Variants in ABTB3 observed in about 807,000 individuals in gnomAD.
ABTB3 encodes the protein ankyrin repeat and BTB domain containing 3, also known as ankyrin repeat- and BTB/POZ domain-containing protein 3.
chr12:107,390,412 C>T, the ABTB3 span, among the ~76,000 whole-genome samples: 864 of 152,328 alleles, frequency 5.7e-3, 16 homozygotes, highest in African/African-American at 0.019. Context: ...ATTCCAAAGC[C>T]TATGCTGTTT....
At chr12:107,391,361 G>A in the ABTB3 span, among the ~76,000 whole-genome samples, 36 of 152,270 alleles carry the variant, frequency 2.4e-4, no homozygotes, top group Non-Finnish European at 3.8e-4. Flanking sequence ...CTAATCATCA[G>A]GCCGGACCAC....
the ABTB3 span, among the ~76,000 whole-genome samples, chr12:107,351,290 C>T: frequency 2.0e-5 from 3 of 152,284 alleles, no homozygotes; most frequent in South Asian, 6.2e-4. Flanking sequence ...AGGGCACTGG[C>T]TTATGAGTAG....
the ABTB3 span, among the ~76,000 whole-genome samples, chr12:107,433,467 GAGCTTGACAAGCA>G: frequency 0.13 from 19,741 of 152,126 alleles, 1,713 homozygotes; most frequent in Admixed American, 0.25. Context: ...AGAGCTTGCA[GAGCTTGACAAGCA>G]AGGTGGCCCT....
At chr12:107,588,069 C>T in the ABTB3 span, among the ~76,000 whole-genome samples, 1 of 152,184 alleles carries the variant, frequency 6.6e-6, no homozygotes, top group East Asian at 1.9e-4. Context: ...CTTGTGGCAG[C>T]ATCACTCCAA....
the ABTB3 span, among the ~76,000 whole-genome samples, chr12:107,515,207 GC>G: frequency 6.6e-6 from 1 of 151,970 alleles, no homozygotes; most frequent in Non-Finnish European, 1.5e-5. Flanking sequence ...ATTTGCTCAG[GC>G]CTCCAAGTCC....
the ABTB3 span, among the ~76,000 whole-genome samples, chr12:107,367,136 T>C: frequency 2.0e-5 from 3 of 152,186 alleles, no homozygotes; most frequent in Non-Finnish European, 2.9e-5. Flanking sequence ...TTGTCCTTTA[T>C]TGGAAGGTGC....
chr12:107,436,493 G>A, the ABTB3 span, among the ~76,000 whole-genome samples: 2 of 152,212 alleles, frequency 1.3e-5, no homozygotes, highest in African/African-American at 2.4e-5. Flanking sequence ...GTGGGAGGCA[G>A]GCAGTCAGGG....
chr12:107,319,307 G>A, the ABTB3 span: 1 of 1,544,270 alleles, frequency 6.5e-7, no homozygotes, highest in Non-Finnish European at 8.7e-7. Context: ...GGTCCCCGGC[G>A]GCCTGCCCAA....
At chr12:107,613,212 G>A in the ABTB3 span, among the ~76,000 whole-genome samples, 2 of 152,130 alleles carry the variant, frequency 1.3e-5, no homozygotes, top group African/African-American at 4.8e-5. Context: ...CTTCTAGGAT[G>A]GGGCAGAAGG....
At chr12:107,505,711 A>G in the ABTB3 span, among the ~76,000 whole-genome samples, 1 of 151,944 alleles carries the variant, frequency 6.6e-6, no homozygotes, top group Non-Finnish European at 1.5e-5. Context: ...ATAGGTCCCA[A>G]TGTGTTTTGT....
chr12:107,528,502 G>C, the ABTB3 span, among the ~76,000 whole-genome samples: 2 of 152,218 alleles, frequency 1.3e-5, no homozygotes, highest in Non-Finnish European at 2.9e-5. Context: ...ATAGTTATTA[G>C]TGGATTGATT....
the ABTB3 span, among the ~76,000 whole-genome samples, chr12:107,418,691 G>A: frequency 6.6e-6 from 1 of 152,202 alleles, no homozygotes; most frequent in African/African-American, 2.4e-5. Flanking sequence ...TAGAGAGCTG[G>A]CAGGAGTGCC....
At chr12:107,571,989 C>T in the ABTB3 span, among the ~76,000 whole-genome samples, 1 of 152,174 alleles carries the variant, frequency 6.6e-6, no homozygotes, top group Non-Finnish European at 1.5e-5. Flanking sequence ...GTGCAGCAGG[C>T]TAAATCACAA....
chr12:107,403,926 G>T, the ABTB3 span, among the ~76,000 whole-genome samples: 1 of 152,138 alleles, frequency 6.6e-6, no homozygotes, highest in Non-Finnish European at 1.5e-5. Context: ...ACTTTGGGAG[G>T]CCAAGGCAGG....
chr12:107,657,124 G>A, the ABTB3 span, among the ~76,000 whole-genome samples: 1 of 152,166 alleles, frequency 6.6e-6, no homozygotes, highest in Non-Finnish European at 1.5e-5. Flanking sequence ...GACATTTGTG[G>A]GATAACTAGC....
chr12:107,443,203 G>A, the ABTB3 span, among the ~76,000 whole-genome samples: 1 of 152,076 alleles, frequency 6.6e-6, no homozygotes, highest in Non-Finnish European at 1.5e-5. Context: ...ATCTATAAGG[G>A]AGTGGGATGC....
the ABTB3 span, among the ~76,000 whole-genome samples, chr12:107,468,584 C>T: frequency 5.9e-5 from 9 of 152,102 alleles, no homozygotes; most frequent in Admixed American, 2.0e-4. Flanking sequence ...TCTATAAAGA[C>T]GGGCTGCGGA....
the ABTB3 span, among the ~76,000 whole-genome samples, chr12:107,592,868 G>A: frequency 2.1e-4 from 32 of 152,296 alleles, no homozygotes; most frequent in African/African-American, 7.0e-4. Flanking sequence ...GATGGTCAGC[G>A]TGTAGGTGGT....
chr12:107,519,023 G>A, the ABTB3 span, among the ~76,000 whole-genome samples: 12 of 152,158 alleles, frequency 7.9e-5, no homozygotes, highest in Admixed American at 7.2e-4. Flanking sequence ...AACCCCAAAC[G>A]CAGCACAATG....
Sources: allele counts gnomAD v4.1 joint callset (sites outside exome capture counted in the v4.1 genomes callset), GRCh38; gene constraint gnomAD v4.1.1; transcripts MANE v1.5; gene names NCBI Gene and HGNC (gene_info 2026-07-23, HGNC 2026-07-21).